DISP1: variants seen among roughly 807,000 people sequenced by gnomAD.
The protein encoded by DISP1 is protein dispatched homolog 1.
A neutral mutation model predicts 37.3 loss-of-function variants in DISP1; 30 were observed. That is an observed-to-expected ratio of 0.80 (90% CI 0.60 to 1.09). The LOEUF is 1.09. DISP1 is among the 50% of genes least tolerant of loss of function. The pLI is 0.00. For synonymous variants in DISP1, 634 were observed against 690.2 expected (o/e 0.92, Z 1.28); for missense variants, 1,598 against 1,879.5 (o/e 0.85, Z 2.77).
At chr1:222,903,773 G>C (rs1202190035) in intron 1 of DISP1, among the ~76,000 whole-genome samples, 2 of 152,096 alleles carry the variant, frequency 1.3e-5, no homozygotes, top group Non-Finnish European at 1.5e-5. Context: ...GTACACCAAA[G>C]ATTACTAGTC....
intron 1 of DISP1, among the ~76,000 whole-genome samples, chr1:222,844,722 A>C (rs1667803179): frequency 6.6e-6 from 1 of 152,144 alleles, no homozygotes; most frequent in Admixed American, 6.5e-5. Flanking sequence ...AATACAAAAA[A>C]TGCGTTATGC....
rs1679624995 is a variant in DISP1, at chr1:223,003,382, A to G, written c.1985A>G (p.Tyr662Cys). 1 of 1,614,042 alleles carries G rather than the reference A, an allele frequency of 6.2e-7. No homozygotes were observed. Among genetic ancestry groups the G allele is most frequent in the South Asian group, 1.1e-5 (1 of 91,092 alleles). The change falls in exon 9 of 9, where the codon TAT becomes TGT. Residue 662 changes from tyrosine to cysteine, a missense_variant. By Grantham distance (194) the Tyr-to-Cys change is radical (BLOSUM62 -2). Transcript: ENST00000675850. This position sits in a 1 kb window ranked among gnomAD's most constrained non-coding sequence, Gnocchi z 4.3. Reference sequence around the variant, plus strand: ...GCAGTTGTTGTGCTGCATGAGCGGTATCTTCTTAATATATTCACTTGCTTC... The same window carrying G: ...GCAGTTGTTGTGCTGCATGAGCGGTGTCTTCTTAATATATTCACTTGCTTC... ...LPAVVVLHER[Y>C]LLNIFTCFKK...
chr1:222,873,088 G>T (rs1669685047), intron 1 of DISP1, among the ~76,000 whole-genome samples: 1 of 152,152 alleles, frequency 6.6e-6, no homozygotes, highest in African/African-American at 2.4e-5. Context: ...GCAGTTTTGA[G>T]TGAGTTTCTT....
At chr1:222,868,208 C>T (rs866534155) in intron 1 of DISP1, among the ~76,000 whole-genome samples, 1 of 151,238 alleles carries the variant, frequency 6.6e-6, no homozygotes, top group African/African-American at 2.4e-5. Flanking sequence ...CATAGCGAGA[C>T]CCTCATCTCT....
intron 2 of DISP1, among the ~76,000 whole-genome samples, chr1:222,929,211 AG>A (rs144687001): frequency 0.013 from 1,972 of 152,298 alleles, 32 homozygotes; most frequent in African/African-American, 0.043. Flanking sequence ...TAACTACAAT[AG>A]TGACTGCATA....
chr1:222,936,615 AGATATATATATCTCTCATATATAT>A (rs1673760118), intron 2 of DISP1, among the ~76,000 whole-genome samples: 1 of 99,352 alleles, frequency 1.0e-5, no homozygotes, highest in African/African-American at 3.4e-5. Flanking sequence ...CATATATATG[AGATATATATATCTCTCATATATAT>A]GAGATATATA....
intron 2 of DISP1, among the ~76,000 whole-genome samples, chr1:222,941,918 T>A (rs1485793733): frequency 6.6e-6 from 1 of 151,248 alleles, no homozygotes; most frequent in Non-Finnish European, 1.5e-5. Context: ...GATGACCCTT[T>A]TTTTTTTTTT....
intron 1 of DISP1, among the ~76,000 whole-genome samples, chr1:222,862,394 C>A (rs1668925458): frequency 6.6e-6 from 1 of 152,008 alleles, no homozygotes; most frequent in African/African-American, 2.4e-5. Context: ...TTCCTAAGAA[C>A]AAGAACCTTC....
intron 8 of DISP1, among the ~76,000 whole-genome samples, chr1:222,998,368 T>C (rs1187093483): frequency 2.0e-5 from 3 of 151,610 alleles, no homozygotes; most frequent in Admixed American, 2.0e-4. Context: ...AGAAAACGTC[T>C]GGTAATTAGT....
chr1:222,912,548 A>G (rs1672267805), intron 1 of DISP1, among the ~76,000 whole-genome samples: 1 of 151,908 alleles, frequency 6.6e-6, no homozygotes, highest in Non-Finnish European at 1.5e-5. Context: ...CATTTCCTTT[A>G]CAGTCTGTTA....
At chr1:222,977,003 T>C (rs1558063775) in intron 3 of DISP1, among the ~76,000 whole-genome samples, 1 of 152,220 alleles carries the variant, frequency 6.6e-6, no homozygotes, top group Non-Finnish European at 1.5e-5. Context: ...CATAGCTCAT[T>C]AATAGTTTCA....
At chr1:222,902,289 C>T in intron 1 of DISP1, among the ~76,000 whole-genome samples, 1 of 152,116 alleles carries the variant, frequency 6.6e-6, no homozygotes, top group Non-Finnish European at 1.5e-5. Flanking sequence ...CTCTTGTGGG[C>T]ATTTAGTGCT....
chr1:222,863,338 G>A (rs1290850368), intron 1 of DISP1, among the ~76,000 whole-genome samples: 4 of 152,022 alleles, frequency 2.6e-5, no homozygotes, highest in Non-Finnish European at 5.9e-5. Flanking sequence ...CTGGCAATAC[G>A]GTGAAACCTT....
rs529382339 is a variant in DISP1 at position 222,863,587 on chromosome 1, G to A, written c.-159+48509G>A. On this transcript the variant is annotated intron_variant, in intron 1 of 8. Coordinates refer to ENST00000675850, the MANE Select transcript of DISP1 (RefSeq NM_001377229.1). ...GATCCTTTGAAACTGTAAATATCTC[G>A]TCCCTCATTTATGAAACTTACACTC... Among the ~76,000 whole-genome samples, 76 of 150,672 alleles carry A rather than the reference G, an allele frequency of 5.0e-4. 1 individual carries two copies. The highest frequency in any genetic ancestry group is 7.7e-4 in the Non-Finnish European group (52 of 67,784).
chr1:222,984,417 A>ATATATATATATATAT (rs201043580), intron 4 of DISP1, among the ~76,000 whole-genome samples: 14 of 76,416 alleles, frequency 1.8e-4, no homozygotes, highest in African/African-American at 6.3e-4. Flanking sequence ...AAAAAAAAAA[A>ATATATATATATATAT]AAAAATATAT....
chr1:222,832,811 AC>A (rs1666082722), intron 1 of DISP1, among the ~76,000 whole-genome samples: 2 of 152,104 alleles, frequency 1.3e-5, no homozygotes, highest in African/African-American at 4.8e-5. Context: ...CATGAGACTC[AC>A]TTGAACCCGG....
At chr1:222,928,917 A>G (rs1422185439) in intron 2 of DISP1, among the ~76,000 whole-genome samples, 1 of 152,214 alleles carries the variant, frequency 6.6e-6, no homozygotes, top group Non-Finnish European at 1.5e-5. Context: ...TACTATCTAA[A>G]ACAGAAAATT....
intron 3 of DISP1, 125 bp from the exon 4 acceptor site, chr1:222,982,954 CT>C: frequency 1.4e-6 from 1 of 714,288 alleles, no homozygotes; most frequent in South Asian, 1.9e-5. Context: ...TTTTTTAACA[CT>C]TCCAAGATTC....
intron 1 of DISP1, among the ~76,000 whole-genome samples, chr1:222,927,534 G>C (rs923929979): frequency 3.3e-5 from 5 of 152,098 alleles, no homozygotes; most frequent in African/African-American, 7.2e-5. Context: ...ATCTTCAAAA[G>C]TTTATTTTGA....
Sources: gnomAD v4.1 joint callset for allele counts (sites outside exome capture counted in the v4.1 genomes callset) on GRCh38, gnomAD v4.1.1 for gene constraint, Gnocchi (gnomAD v3.1) non-coding constraint, MANE v1.5 for transcripts, NCBI Gene and HGNC (gene_info 2026-07-23, HGNC 2026-07-21) for gene names.